DNM3: variants seen among roughly 807,000 people sequenced by gnomAD.
The protein encoded by DNM3 is dynamin-3.
In DNM3, 47 loss-of-function variants were observed where a neutral mutation model predicts 101.6. The ratio of observed to expected loss-of-function variants is 0.46; its 90% CI spans 0.37 to 0.59. The LOEUF is 0.59. Ranked by LOEUF, DNM3 falls within the 20% of genes least tolerant of loss-of-function variation. DNM3 has a pLI of 0.00. For synonymous variants in DNM3, 385 were observed against 387.9 expected (o/e 0.99, Z 0.09); for missense variants, 849 against 1,085.7 (o/e 0.78, Z 3.06).
intron 14 of DNM3, among the ~76,000 whole-genome samples, chr1:172,167,093 T>C (rs2058774497): frequency 6.6e-6 from 1 of 151,958 alleles, no homozygotes. Context: ...TGTCAGGCCC[T>C]GGTGTGTGAT....
intron 16 of DNM3, among the ~76,000 whole-genome samples, chr1:172,312,997 C>G (rs114537181): frequency 0.01 from 1,589 of 152,292 alleles, 27 homozygotes; most frequent in African/African-American, 0.036. Context: ...CTGACTTACT[C>G]TGTGAATTTA....
chr1:172,304,222 A>AAAAAAAAAAAAC (rs745651671), intron 15 of DNM3, among the ~76,000 whole-genome samples: 8 of 128,998 alleles, frequency 6.2e-5, no homozygotes, highest in African/African-American at 2.8e-4. Context: ...AAAAAAAAAA[A>AAAAAAAAAAAAC]CAGGAGTTGC....
chr1:172,243,216 T>C (rs1171602082), intron 14 of DNM3, among the ~76,000 whole-genome samples: 1 of 152,100 alleles, frequency 6.6e-6, no homozygotes, highest in Admixed American at 6.6e-5. Context: ...AATATAGAGA[T>C]TAAATATAAA....
chr1:172,092,602 G>A (rs574932438), intron 12 of DNM3, among the ~76,000 whole-genome samples: 5 of 152,072 alleles, frequency 3.3e-5, no homozygotes, highest in African/African-American at 9.7e-5. Flanking sequence ...TCTTTAAGTG[G>A]TGTTATTATA....
intron 14 of DNM3, among the ~76,000 whole-genome samples, chr1:172,252,653 GTAATAGGTATT>G (rs1431129734): frequency 1.3e-5 from 2 of 152,022 alleles, no homozygotes; most frequent in Admixed American, 6.6e-5. Context: ...TATACCCCTG[GTAATAGGTATT>G]TACTAGGTTT....
intron 1 of DNM3, among the ~76,000 whole-genome samples, chr1:171,846,220 C>A (rs1257500924): frequency 7.5e-6 from 1 of 133,652 alleles, no homozygotes; most frequent in African/African-American, 2.9e-5. Context: ...ATATAATATA[C>A]TTTTAGGTTA....
At position 172,041,992 on chromosome 1, in the gene DNM3, C is replaced by T. The variant is rs762758161; in HGVS notation, c.993-17C>T. The T allele has an allele frequency of 1.9e-6, 3 of 1,565,876 alleles. No homozygotes were observed. The South Asian group carries it at 3.6e-5, about 19-fold the overall frequency. On this transcript the variant is annotated splice_polypyrimidine_tract_variant and intron_variant, in intron 7 of 20. Transcript: ENST00000627582. Reference sequence around the variant, plus strand: ...TTGTAACTTTGACTTGAATCTATTTCTCTTTAACAATTACAGGATGGTTCA... The same window carrying T: ...TTGTAACTTTGACTTGAATCTATTTTTCTTTAACAATTACAGGATGGTTCA...
intron 15 of DNM3, among the ~76,000 whole-genome samples, chr1:172,290,806 TGAGA>T (rs551071758): frequency 5.9e-5 from 9 of 151,898 alleles, no homozygotes; most frequent in Non-Finnish European, 1.2e-4. Context: ...CTGGAGAAAT[TGAGA>T]GTGAAGTAGG....
intron 13 of DNM3, among the ~76,000 whole-genome samples, chr1:172,099,691 T>C (rs2054498691): frequency 6.6e-6 from 1 of 152,020 alleles, no homozygotes. Context: ...GAAAAGAAAT[T>C]ATGAGGTGGG....
At chr1:172,090,093 A>AAT (rs1572462034) in intron 12 of DNM3, among the ~76,000 whole-genome samples, 1 of 152,066 alleles carries the variant, frequency 6.6e-6, no homozygotes, top group East Asian at 1.9e-4. Context: ...ACTGATACAT[A>AAT]ATTTTAGGGT....
At chr1:172,227,419 T>C (rs2061174738) in intron 14 of DNM3, among the ~76,000 whole-genome samples, 2 of 151,722 alleles carry the variant, frequency 1.3e-5, no homozygotes, top group Non-Finnish European at 2.9e-5. Context: ...TTTGATACAG[T>C]AACTTCTCCT....
intron 9 of DNM3, among the ~76,000 whole-genome samples, chr1:172,047,657 C>G (rs2049912292): frequency 6.6e-6 from 1 of 152,038 alleles, no homozygotes; most frequent in Non-Finnish European, 1.5e-5. Flanking sequence ...AGTATGATTA[C>G]TACAGTTAGA....
intron 20 of DNM3, among the ~76,000 whole-genome samples, chr1:172,405,732 C>T (rs1206796677): frequency 6.6e-6 from 1 of 151,932 alleles, no homozygotes; most frequent in Non-Finnish European, 1.5e-5. Context: ...TGGTTAATTG[C>T]TAAGAATACA....
chr1:172,016,453 C>T (rs552493098), intron 4 of DNM3, among the ~76,000 whole-genome samples: 8 of 152,164 alleles, frequency 5.3e-5, no homozygotes, highest in Admixed American at 4.6e-4. Context: ...TTTAACTGGC[C>T]CAGTATTTCT....
At chr1:171,860,549 A>G (rs1326177082) in intron 1 of DNM3, among the ~76,000 whole-genome samples, 1 of 152,146 alleles carries the variant, frequency 6.6e-6, no homozygotes, top group African/African-American at 2.4e-5. Context: ...TAATGTGGCT[A>G]TTAGAACATT....
intron 17 of DNM3, among the ~76,000 whole-genome samples, chr1:172,325,289 G>T (rs72721201): frequency 1.1e-4 from 16 of 152,234 alleles, no homozygotes; most frequent in East Asian, 3.9e-4. Flanking sequence ...GAACGCTTGC[G>T]CATGTGCTAT....
chr1:172,012,451 C>T (rs778102673), intron 4 of DNM3, among the ~76,000 whole-genome samples: 3 of 151,804 alleles, frequency 2.0e-5, no homozygotes, highest in Non-Finnish European at 4.4e-5. Flanking sequence ...TAGCTGTGTG[C>T]CAAAGATAAG....
intron 17 of DNM3, among the ~76,000 whole-genome samples, chr1:172,369,085 C>G (rs1285013705): frequency 6.6e-6 from 1 of 151,860 alleles, no homozygotes; most frequent in Non-Finnish European, 1.5e-5. Flanking sequence ...TCTTCTCAAA[C>G]TATTTCAGAA....
At position 172,239,798 on chromosome 1, in the gene DNM3, CTCTTTTTTT is replaced by C. The variant is rs1183908072; in HGVS notation, c.1660-13773_1660-13765del. On this transcript the variant is annotated intron_variant, in intron 14 of 20. Coordinates refer to ENST00000627582, the MANE Select transcript of DNM3 (RefSeq NM_015569.5). ...TTTCTCCAGCCCTGTCTTTTTTTTT[CTCTTTTTTT>C]TTTTTTTTTTTTTGTAGTGGGCAGG... 6.6e-4 allele frequency among the ~76,000 whole-genome samples: 71 copies of C among 106,876 alleles called. 1 individual carries two copies. Among genetic ancestry groups the C allele is most frequent in the Non-Finnish European group, 9.2e-4 (52 of 56,564 alleles). 70.1% of individuals were successfully genotyped at this position (106,876 alleles called of 152,430 possible).
Sources: gnomAD v4.1 joint callset for allele counts (sites outside exome capture counted in the v4.1 genomes callset) on GRCh38, gnomAD v4.1.1 for gene constraint, MANE v1.5 for transcripts, NCBI Gene and HGNC (gene_info 2026-07-23, HGNC 2026-07-21) for gene names.